Variants in KCNN3 observed in about 807,000 individuals in gnomAD.
KCNN3 encodes the protein potassium calcium-activated channel subfamily N member 3, also known as small conductance calcium-activated potassium channel protein 3.
Under a neutral mutation model 62.9 loss-of-function variants are expected in KCNN3, and 16 were observed. The observed-to-expected ratio is 0.25, with a 90% CI of 0.17 to 0.39. The LOEUF is 0.39. KCNN3 is among the 10% of genes least tolerant of loss of function. KCNN3 has a pLI of 1.00. For missense variants in KCNN3, 599 were observed against 949.4 expected (o/e 0.63, Z 4.85); for synonymous variants, 370 against 389.2 (o/e 0.95, Z 0.58).
chr1:154,766,224 G>A (rs1648264624), intron 3 of KCNN3, among the ~76,000 whole-genome samples: 1 of 151,592 alleles, frequency 6.6e-6, no homozygotes, highest in Non-Finnish European at 1.5e-5. Flanking sequence ...TTCATCCCAT[G>A]TGGTAGGCTA....
chr1:154,772,440 C>G lies in KCNN3; in HGVS notation c.1030-47G>C. 6.3e-7 allele frequency: 1 copy of G among 1,598,028 alleles called. No individual in the cohort carries two copies. The highest frequency in any genetic ancestry group is 8.6e-7 in the Non-Finnish European group (1 of 1,168,828). ...TTAGTGTGGCCAGGACCAGGAAGCC[C>G]ACAGCAGGGTCCAGGCAGGACAGGT... On this transcript the variant is annotated intron_variant, in intron 2 of 7. Coordinates refer to ENST00000271915, the MANE Select transcript of KCNN3 (RefSeq NM_002249.6). This position sits in a 1 kb window ranked among gnomAD's most constrained non-coding sequence, Gnocchi z 5.6.
intron 1 of KCNN3, among the ~76,000 whole-genome samples, chr1:154,837,543 G>A (rs748220493): frequency 3.3e-5 from 5 of 152,166 alleles, no homozygotes; most frequent in Non-Finnish European, 7.4e-5. Context: ...GGGCCCGAGA[G>A]CACAGAAGCT....
chr1:154,870,041 A>C lies in KCNN3; in HGVS notation c.-77T>G, dbSNP rs750472666. Reference sequence around the variant, plus strand: ...CCTCGCTCCAAAGATGTCCTCAAAGAAAGCCAGGCATCCAATCTCCCCCAC... The same window carrying C: ...CCTCGCTCCAAAGATGTCCTCAAAGCAAGCCAGGCATCCAATCTCCCCCAC... On this transcript the variant is annotated 5_prime_UTR_variant, in exon 1 of 8. Transcript: ENST00000271915. 27 of 1,507,336 alleles carry C rather than the reference A, an allele frequency of 1.8e-5. No homozygotes were observed. In the South Asian group the frequency reaches 3.2e-4, roughly 18 times the overall value. The allele number at this position is 1,507,336 out of a possible 1,614,324, so 93.4% of individuals were successfully genotyped here.
chr1:154,731,483 C>T (rs2102354), intron 4 of KCNN3, among the ~76,000 whole-genome samples: 64,978 of 152,058 alleles, frequency 0.43, 14,663 homozygotes, highest in South Asian at 0.57. Context: ...TGGGTCTGAC[C>T]GTCTGGTCCA....
At position 154,705,380 on chromosome 1, in the gene KCNN3, T is replaced by C. The variant is rs575654995; in HGVS notation, c.*2596A>G. 2 of 152,316 alleles carry C rather than the reference T, an allele frequency of 1.3e-5. No homozygotes were observed. The highest frequency in any genetic ancestry group is 2.1e-4 in the South Asian group (1 of 4,826). 9.4% of individuals were successfully genotyped at this position (152,316 alleles called of 1,614,324 possible). ...GCTATTACAGGATCAATGTGCAGGT[T>C]TGATCACTTTTTTTTTGAAGCATTT... On this transcript the variant is annotated 3_prime_UTR_variant, in exon 8 of 8. Coordinates refer to ENST00000271915, the MANE Select transcript of KCNN3 (RefSeq NM_002249.6).
chr1:154,742,939 T>C (rs1256910050), intron 3 of KCNN3, among the ~76,000 whole-genome samples: 2 of 152,194 alleles, frequency 1.3e-5, no homozygotes, highest in Admixed American at 6.5e-5. Context: ...TCCTCCCAGC[T>C]TCTCCTTTTA....
At chr1:154,868,424 G>A (rs550863533) in intron 1 of KCNN3, 1 of 893,106 alleles carries the variant, frequency 1.1e-6, no homozygotes, top group East Asian at 1.2e-4. Context: ...GAGACTCTCT[G>A]AGAAGAGGAG....
At chr1:154,800,065 A>T (rs1649893910) in intron 2 of KCNN3, among the ~76,000 whole-genome samples, 1 of 152,270 alleles carries the variant, frequency 6.6e-6, no homozygotes, top group African/African-American at 2.4e-5. Context: ...GTTGAACTGT[A>T]GATTCCTGAA....
chr1:154,709,219 C>A (rs1262573893), intron 7 of KCNN3, among the ~76,000 whole-genome samples: 1 of 152,172 alleles, frequency 6.6e-6, no homozygotes, highest in Non-Finnish European at 1.5e-5. Context: ...ATTTTTCTCC[C>A]AGCAAATTAG....
intron 2 of KCNN3, among the ~76,000 whole-genome samples, chr1:154,790,776 G>A (rs920600929): frequency 2.6e-5 from 4 of 152,128 alleles, no homozygotes; most frequent in Admixed American, 6.5e-5. Context: ...TGTAGGATTC[G>A]GTACTATCTG....
chr1:154,746,895 G>T (rs554469786), intron 3 of KCNN3, among the ~76,000 whole-genome samples: 50 of 152,218 alleles, frequency 3.3e-4, no homozygotes, highest in Non-Finnish European at 5.3e-4. Flanking sequence ...GTAAAGTGGG[G>T]AGGGTAACAT....
intron 1 of KCNN3, among the ~76,000 whole-genome samples, chr1:154,839,006 C>T (rs1196932652): frequency 6.6e-6 from 1 of 152,176 alleles, no homozygotes; most frequent in African/African-American, 2.4e-5. Context: ...GCTGATCTGC[C>T]TTCTGCTCTC....
At chr1:154,799,826 G>A (rs954443487) in intron 2 of KCNN3, among the ~76,000 whole-genome samples, 6 of 152,206 alleles carry the variant, frequency 3.9e-5, no homozygotes, top group African/African-American at 1.2e-4. Flanking sequence ...ACCCAGGAAA[G>A]GTCACTGAGA....
At chr1:154,830,221 T>G (rs1651327034) in intron 1 of KCNN3, among the ~76,000 whole-genome samples, 1 of 152,172 alleles carries the variant, frequency 6.6e-6, no homozygotes, top group African/African-American at 2.4e-5. Context: ...CCAGGTACTG[T>G]GCTAATTTCG....
At chr1:154,816,972 T>C (rs1302373715) in intron 2 of KCNN3, among the ~76,000 whole-genome samples, 1 of 152,244 alleles carries the variant, frequency 6.6e-6, no homozygotes, top group Non-Finnish European at 1.5e-5. Context: ...CAGTGTGCTC[T>C]GCAGTTCCCC....
At position 154,869,957 on chromosome 1, in the gene KCNN3, G is replaced by T; in HGVS notation, c.8C>A (p.Thr3Asn). The stretch of plus-strand genomic sequence containing the variant: ...CCCCGAGTCATGGAAGTGCCCAGAA[G>T]TGTCCATCTTGGGGCCTGGCTGTAT... MDTSGHFHDSGVG... is the reference protein window; with the variant it reads MDNSGHFHDSGVG... The change falls in exon 1 of 8, where the codon ACT (threonine) becomes AAT (asparagine). Residue 3 changes from threonine to asparagine, a missense_variant. By Grantham distance (65) the Thr-to-Asn change is moderately conservative. This residue lies in a region of KCNN3 where 59 missense variants were observed against 62.4 expected (regional missense o/e 0.95). Coordinates refer to ENST00000271915, the MANE Select transcript of KCNN3 (RefSeq NM_002249.6). The surrounding 1 kb of genome is among the most constrained non-coding windows in gnomAD (Gnocchi z 6.1). 1 of 1,611,098 alleles carries T rather than the reference G, an allele frequency of 6.2e-7. No homozygotes were observed. The highest frequency in any genetic ancestry group is 8.5e-7 in the Non-Finnish European group (1 of 1,178,712).
chr1:154,754,389 G>T (rs988129879), intron 3 of KCNN3, among the ~76,000 whole-genome samples: 8 of 152,036 alleles, frequency 5.3e-5, no homozygotes, highest in Admixed American at 2.0e-4. Context: ...GATGGGGAAC[G>T]ATTTGAGCCT....
In KCNN3 at chr1:154,761,398, G is replaced by A. The variant is rs567591447; in HGVS notation, c.1448+10577C>T. 1.2e-4 allele frequency among the ~76,000 whole-genome samples: 18 copies of A among 152,012 alleles called. No individual in the cohort carries two copies. The South Asian group carries it at 3.7e-3, about 32-fold the overall frequency. On this transcript the variant is annotated intron_variant, in intron 3 of 7. Coordinates refer to ENST00000271915, the MANE Select transcript of KCNN3 (RefSeq NM_002249.6). The stretch of plus-strand genomic sequence containing the variant: ...CATGAGAATAGTTTGAACCCAGGAG[G>A]CAGAGGTTGCAGTGAGCCAAGATTG...
At chr1:154,732,406 T>A (rs781608412) in intron 4 of KCNN3, among the ~76,000 whole-genome samples, 8 of 152,206 alleles carry the variant, frequency 5.3e-5, no homozygotes, top group Admixed American at 6.5e-5. Context: ...CAAATGCCAG[T>A]GCTGCAAAGC....
Sources: gnomAD v4.1 joint callset for allele counts (sites outside exome capture counted in the v4.1 genomes callset) on GRCh38, gnomAD v4.1.1 for gene constraint, gnomAD v4.1.1 regional missense constraint, Gnocchi (gnomAD v3.1) non-coding constraint, MANE v1.5 for transcripts, NCBI Gene and HGNC (gene_info 2026-07-23, HGNC 2026-07-21) for gene names.